Variants in SHANK2 observed in about 807,000 individuals in gnomAD.
SHANK2 encodes SH3 and multiple ankyrin repeat domains protein 2.
A neutral mutation model predicts 133.7 loss-of-function variants in SHANK2; 43 were observed. The observed-to-expected ratio is 0.32, with a 90% CI of 0.25 to 0.41. The LOEUF (loss-of-function observed/expected upper bound fraction) is 0.41. Among genes scored for constraint, SHANK2 ranks in the 10% least tolerant of loss-of-function variants. The pLI, the probability that SHANK2 is intolerant of heterozygous loss-of-function variation, is 1.00. For missense variants in SHANK2, 1,994 were observed against 2,235.8 expected (o/e 0.89, Z 2.18); for synonymous variants, 1,017 against 952.8 (o/e 1.07, Z -1.24).
chr11:70,477,120 G>T (rs1184355036), intron 25 of SHANK2, among the ~76,000 whole-genome samples: 2 of 152,204 alleles, frequency 1.3e-5, no homozygotes, highest in East Asian at 1.9e-4. Context: ...GCACACACGG[G>T]GTCACGCAGC....
rs1951410871 is a variant in SHANK2 at position 71,086,226 on chromosome 11, A to G, written c.912+6196T>C. 1.8e-3 allele frequency among the ~76,000 whole-genome samples: 99 copies of G among 54,926 alleles called. 8 individuals carry two copies. The highest frequency in any genetic ancestry group is 2.8e-3 in the African/African-American group (42 of 14,808). The allele number at this position is 54,926 out of a possible 152,430, so 36.0% of individuals were successfully genotyped here. A position where few individuals can be genotyped will look rare whatever the true frequency, so the allele number is the denominator to read the frequency against. ...TATAATATATTATGTTATATAATAT[A>G]TTAAATTATATAATATATTATGTTA... is the stretch of plus-strand genomic sequence containing the variant. On this transcript the variant is annotated intron_variant, in intron 8 of 25. Coordinates refer to ENST00000601538, the MANE Select transcript of SHANK2 (RefSeq NM_012309.5).
intron 10 of SHANK2, among the ~76,000 whole-genome samples, chr11:70,904,539 A>T (rs1266389131): frequency 3.3e-4 from 48 of 145,702 alleles, no homozygotes; most frequent in Non-Finnish European, 6.1e-4. Context: ...ATGGAGTCTA[A>T]CTCTGTCACC....
Position 71,078,195 on chromosome 11 carries a change from G to T in SHANK2, c.913-2920C>A, listed in dbSNP as rs1013245768. ...GGTAAAAAAAAAAAAAAAATCAATG[G>T]GGCTGTGTCCCAAGGACACAGGAGC... On this transcript the variant is annotated intron_variant, in intron 8 of 25. Transcript: ENST00000601538. Among the ~76,000 whole-genome samples the T allele has an allele frequency of 1.7e-3, 263 of 151,966 alleles. 1 individual carries two copies. The highest frequency in any genetic ancestry group is 6.0e-3 in the African/African-American group (248 of 41,426).
At chr11:70,514,765 A>G (rs1403576125) in intron 17 of SHANK2, among the ~76,000 whole-genome samples, 1 of 152,260 alleles carries the variant, frequency 6.6e-6, no homozygotes, top group African/African-American at 2.4e-5. Flanking sequence ...ATAAGGTTCT[A>G]AGAATAGTTA....
At chr11:71,146,543 C>A (rs1301349080) in intron 3 of SHANK2, among the ~76,000 whole-genome samples, 1 of 152,224 alleles carries the variant, frequency 6.6e-6, no homozygotes, top group African/African-American at 2.4e-5. Flanking sequence ...CAGCGTGGGC[C>A]AGGGCAGCCT....
chr11:71,164,870 G>A (rs1200836354), intron 2 of SHANK2, among the ~76,000 whole-genome samples: 3 of 152,074 alleles, frequency 2.0e-5, no homozygotes, highest in African/African-American at 7.2e-5. Context: ...CACCTGCTTG[G>A]GGACGGCTAT....
At chr11:70,585,358 G>A (rs7127885) in intron 17 of SHANK2, among the ~76,000 whole-genome samples, 4,772 of 152,310 alleles carry the variant, frequency 0.031, 123 homozygotes, top group East Asian at 0.096. Context: ...GACTGGCAGA[G>A]TGGGGCAGGG....
rs572546811 is a variant in SHANK2 at position 70,830,964 on chromosome 11, C to A, written c.1175-10282G>T. On this transcript the variant is annotated intron_variant, in intron 11 of 25. Transcript: ENST00000601538. This position sits in a 1 kb window ranked among gnomAD's most constrained non-coding sequence, Gnocchi z 4.4. The stretch of plus-strand genomic sequence containing the variant: ...ACCCACTGTTCCTATAGGGGTCCTG[C>A]GTGGAGGGCCTACAACGACCCTGGA... Among the ~76,000 whole-genome samples, 3 of 152,108 alleles carry A rather than the reference C, an allele frequency of 2.0e-5. No individual in the cohort carries two copies. The highest frequency in any genetic ancestry group is 2.9e-5 in the Non-Finnish European group (2 of 68,028).
intron 2 of SHANK2, among the ~76,000 whole-genome samples, chr11:71,151,643 G>A (rs1952798588): frequency 6.6e-6 from 1 of 152,260 alleles, no homozygotes; most frequent in African/African-American, 2.4e-5. Flanking sequence ...GAAGCCTAGT[G>A]TGGTAGCGAG....
Position 71,062,268 on chromosome 11 carries a change from C to CA in SHANK2, c.1030-5711dup, listed in dbSNP as rs1364437109. 2.0e-5 allele frequency among the ~76,000 whole-genome samples: 3 copies of CA among 152,204 alleles called. No homozygotes were observed. The East Asian group carries it at 5.8e-4, about 29-fold the overall frequency. On this transcript the variant is annotated intron_variant, in intron 9 of 25. Coordinates refer to ENST00000601538, the MANE Select transcript of SHANK2 (RefSeq NM_012309.5). ...ACTGCACCCAGCCCAAGGTCTTTAT[C>CA]AAAATCACAGTATTATCAGGTTATG...
chr11:70,498,545 C>T (rs1171716736), intron 21 of SHANK2, among the ~76,000 whole-genome samples: 14 of 152,214 alleles, frequency 9.2e-5, no homozygotes, highest in African/African-American at 3.4e-4. Flanking sequence ...TGCCTGACAG[C>T]CGGCTTCTTC....
At chr11:70,741,385 C>T (rs1428621048) in intron 14 of SHANK2, among the ~76,000 whole-genome samples, 1 of 152,148 alleles carries the variant, frequency 6.6e-6, no homozygotes, top group Non-Finnish European at 1.5e-5. Flanking sequence ...CCATCCATCC[C>T]ACCCATACAT....
intron 17 of SHANK2, among the ~76,000 whole-genome samples, chr11:70,646,838 TTTATTTA>T (rs1206575129): frequency 5.3e-5 from 4 of 74,802 alleles, no homozygotes; most frequent in South Asian, 4.2e-4. Context: ...ATTTTATTTA[TTTATTTA>T]TTTATTTATT....
At chr11:70,776,291 G>A (rs782296665) in intron 14 of SHANK2, among the ~76,000 whole-genome samples, 2 of 152,204 alleles carry the variant, frequency 1.3e-5, no homozygotes, top group Non-Finnish European at 2.9e-5. Context: ...GGATGTCCAA[G>A]CCCCAACCCC....
intron 17 of SHANK2, among the ~76,000 whole-genome samples, chr11:70,521,773 C>T (rs1231091599): frequency 2.6e-5 from 4 of 152,228 alleles, no homozygotes; most frequent in Non-Finnish European, 5.9e-5. Flanking sequence ...ACATTCTTCT[C>T]GCCTTGCCTT....
chr11:70,906,652 T>C (rs534437177), intron 10 of SHANK2, among the ~76,000 whole-genome samples: 101 of 152,194 alleles, frequency 6.6e-4, no homozygotes, highest in Non-Finnish European at 1.2e-3. Flanking sequence ...TGTCCCCGTC[T>C]TTGTTTCCTT....
At chr11:70,658,320 C>T (rs1024523764) in intron 17 of SHANK2, among the ~76,000 whole-genome samples, 16 of 139,966 alleles carry the variant, frequency 1.1e-4, no homozygotes, top group African/African-American at 3.5e-4. Flanking sequence ...CACACACACA[C>T]GAAGGGGACT....
intron 2 of SHANK2, among the ~76,000 whole-genome samples, chr11:71,223,481 A>G (rs998732025): frequency 4.6e-5 from 7 of 152,236 alleles, no homozygotes; most frequent in African/African-American, 9.6e-5. Context: ...ACAGTATAGC[A>G]AACATTTACA....
At chr11:71,093,057 G>GGA (rs1555094490) in intron 7 of SHANK2, among the ~76,000 whole-genome samples, 1 of 145,362 alleles carries the variant, frequency 6.9e-6, no homozygotes, top group Non-Finnish European at 1.5e-5. Flanking sequence ...ATAAAGGGGG[G>GGA]GGGGGGCAGG....
Sources: allele counts gnomAD v4.1 joint callset (sites outside exome capture counted in the v4.1 genomes callset), GRCh38; gene constraint gnomAD v4.1.1; non-coding constraint Gnocchi (gnomAD v3.1); transcripts MANE v1.5; gene names NCBI Gene and HGNC (gene_info 2026-07-23, HGNC 2026-07-21).